Variants in CSGALNACT1 observed in about 807,000 individuals in gnomAD.
CSGALNACT1 encodes beta4GalNAcT-1.
A neutral mutation model predicts 51.0 loss-of-function variants in CSGALNACT1; 52 were observed. The observed-to-expected ratio is 1.02, with a 90% CI of 0.82 to 1.29. CSGALNACT1 has a LOEUF of 1.29. Among genes scored for constraint, CSGALNACT1 ranks in the 50% most tolerant of loss-of-function variants. The pLI, the probability that CSGALNACT1 is intolerant of heterozygous loss-of-function variation, is 0.00. For synonymous variants in CSGALNACT1, 341 were observed against 254.4 expected (o/e 1.34, Z -3.24); for missense variants, 935 against 679.2 (o/e 1.38, Z -4.19).
intron 1 of CSGALNACT1, among the ~76,000 whole-genome samples, chr8:19,716,612 C>CGAAAAA: frequency 2.4e-5 from 1 of 41,966 alleles, no homozygotes. Flanking sequence ...ACCCTCTCTA[C>CGAAAAA]AAAAAAAAAA....
intron 1 of CSGALNACT1, among the ~76,000 whole-genome samples, chr8:19,719,179 T>C (rs2062979060): frequency 6.6e-6 from 1 of 152,216 alleles, no homozygotes. Context: ...TGGCTCAAAT[T>C]ATCACTTCCC....
chr8:19,452,434 A>AACG (rs1563471925), intron 5 of CSGALNACT1, among the ~76,000 whole-genome samples: 1 of 150,264 alleles, frequency 6.7e-6, no homozygotes, highest in African/African-American at 2.5e-5. Flanking sequence ...AAAAAAAAGC[A>AACG]GGGAAGGGGA....
chr8:19,581,565 C>T (rs1465462710), intron 3 of CSGALNACT1, among the ~76,000 whole-genome samples: 1 of 152,074 alleles, frequency 6.6e-6, no homozygotes, highest in Admixed American at 6.6e-5. Flanking sequence ...CGAGATCGTG[C>T]CACTGCACTC....
At chr8:19,592,260 T>A (rs1453705088) in intron 2 of CSGALNACT1, among the ~76,000 whole-genome samples, 1 of 152,180 alleles carries the variant, frequency 6.6e-6, no homozygotes, top group Non-Finnish European at 1.5e-5. Context: ...CAAATTCAAA[T>A]AAATGTTAAG....
intron 3 of CSGALNACT1, among the ~76,000 whole-genome samples, chr8:19,520,456 C>T (rs2080431876): frequency 6.6e-6 from 1 of 152,226 alleles, no homozygotes. Context: ...TCCTGGAGTC[C>T]CTCACTCCTG....
chr8:19,625,147 T>C (rs1311529439), intron 1 of CSGALNACT1, among the ~76,000 whole-genome samples: 1 of 152,146 alleles, frequency 6.6e-6, no homozygotes, highest in African/African-American at 2.4e-5. Context: ...CCTACCTAGA[T>C]GGAGAGGGAC....
intron 8 of CSGALNACT1, among the ~76,000 whole-genome samples, chr8:19,409,867 A>AT (rs927827924): frequency 8.0e-5 from 12 of 150,702 alleles, no homozygotes; most frequent in East Asian, 5.8e-4. Flanking sequence ...TCATGCATCT[A>AT]TTTTTTTTTC....
At chr8:19,576,407 G>A (rs1185178964) in intron 3 of CSGALNACT1, among the ~76,000 whole-genome samples, 1 of 152,102 alleles carries the variant, frequency 6.6e-6, no homozygotes, top group Non-Finnish European at 1.5e-5. Flanking sequence ...TGGCCAGGCT[G>A]GTCTCAAAGT....
chr8:19,725,908 C>A (rs1386618267), intron 1 of CSGALNACT1, among the ~76,000 whole-genome samples: 3 of 152,106 alleles, frequency 2.0e-5, no homozygotes, highest in Non-Finnish European at 2.9e-5. Context: ...ATCATTATCA[C>A]CCAAAGTCCA....
At chr8:19,591,930 ACT>A (rs1231996307) in intron 2 of CSGALNACT1, among the ~76,000 whole-genome samples, 5 of 152,192 alleles carry the variant, frequency 3.3e-5, no homozygotes, top group Admixed American at 6.5e-5. Context: ...CAAAATTAAC[ACT>A]GTCAATGAGG....
intron 1 of CSGALNACT1, among the ~76,000 whole-genome samples, chr8:19,753,886 T>C (rs2065196064): frequency 6.6e-6 from 1 of 152,206 alleles, no homozygotes; most frequent in South Asian, 2.1e-4. Context: ...CTTGGAGTTG[T>C]TCAATAAATA....
intron 1 of CSGALNACT1, among the ~76,000 whole-genome samples, chr8:19,689,919 C>T (rs2061195712): frequency 6.6e-6 from 1 of 152,222 alleles, no homozygotes; most frequent in Non-Finnish European, 1.5e-5. Flanking sequence ...CTGCTCAAGC[C>T]ACCTTTTAAA....
chr8:19,663,671 G>C (rs1411873644), intron 1 of CSGALNACT1, among the ~76,000 whole-genome samples: 1 of 152,204 alleles, frequency 6.6e-6, no homozygotes, highest in East Asian at 1.9e-4. Flanking sequence ...AGACACTAGG[G>C]AAAAGTACAT....
chr8:19,526,893 C>T (rs1057265420), intron 3 of CSGALNACT1, among the ~76,000 whole-genome samples: 1 of 152,088 alleles, frequency 6.6e-6, no homozygotes, highest in African/African-American at 2.4e-5. Flanking sequence ...AAAATGCTAA[C>T]AAAATCTTTA....
intron 3 of CSGALNACT1, among the ~76,000 whole-genome samples, chr8:19,513,342 T>C (rs535678169): frequency 4.6e-5 from 7 of 151,318 alleles, no homozygotes; most frequent in Admixed American, 2.0e-4. Context: ...AAAGCCACTA[T>C]AATGATTGAA....
At chr8:19,739,374 T>A (rs981619529) in intron 1 of CSGALNACT1, among the ~76,000 whole-genome samples, 1 of 152,114 alleles carries the variant, frequency 6.6e-6, no homozygotes, top group Non-Finnish European at 1.5e-5. Flanking sequence ...CCTGTAGGCT[T>A]CTTCTCTCTT....
chr8:19,558,143 C>T (rs1326316728), intron 3 of CSGALNACT1, among the ~76,000 whole-genome samples: 1 of 152,218 alleles, frequency 6.6e-6, no homozygotes, highest in East Asian at 1.9e-4. Context: ...ATCACCACCA[C>T]AGAATGTTGT....
At chr8:19,474,984 G>T (rs2069166398) in intron 4 of CSGALNACT1, among the ~76,000 whole-genome samples, 1 of 151,874 alleles carries the variant, frequency 6.6e-6, no homozygotes, top group Non-Finnish European at 1.5e-5. Flanking sequence ...GCTCAAATTT[G>T]CAGCACAGAA....
At chr8:19,662,184 A>G (rs1481508749) in intron 1 of CSGALNACT1, among the ~76,000 whole-genome samples, 2 of 149,494 alleles carry the variant, frequency 1.3e-5, no homozygotes, top group Non-Finnish European at 3.0e-5. Flanking sequence ...TTGGGAGGCC[A>G]AGGCAGGTGA....
Sources: allele counts gnomAD v4.1 joint callset (sites outside exome capture counted in the v4.1 genomes callset), GRCh38; gene constraint gnomAD v4.1.1; transcripts MANE v1.5; gene names NCBI Gene and HGNC (gene_info 2026-07-23, HGNC 2026-07-21).